The following OSMR variants were observed in gnomAD, a reference collection of about 807,000 sequenced individuals.
OSMR encodes the protein oncostatin-M-specific receptor subunit beta.
In OSMR, 81 loss-of-function variants were observed where a neutral mutation model predicts 99.9. The ratio of observed to expected loss-of-function variants is 0.81; its 90% CI spans 0.68 to 0.97. The LOEUF (loss-of-function observed/expected upper bound fraction) is 0.97. OSMR is among the 50% of genes least tolerant of loss of function. OSMR has a pLI of 0.00. For synonymous variants in OSMR, 406 were observed against 410.4 expected, an observed-to-expected ratio of 0.99 and a Z score of 0.13; for missense variants, 1,099 against 1,153.4, an observed-to-expected ratio of 0.95 and a Z score of 0.68.
intron 15 of OSMR, among the ~76,000 whole-genome samples, chr5:38,928,271 G>A (rs1483017493): frequency 6.6e-6 from 1 of 151,896 alleles, no homozygotes; most frequent in Non-Finnish European, 1.5e-5. Flanking sequence ...TTCCAAAGTC[G>A]CTTCCACATT....
intron 5 of OSMR, 143 bp from the exon 6 acceptor site, chr5:38,885,206 C>T (rs1743617640): frequency 6.7e-7 from 1 of 1,500,934 alleles, no homozygotes; most frequent in Non-Finnish European, 8.9e-7. Context: ...CTTTTGGAGG[C>T]TGTTGATAGG....
chr5:38,881,172 A>T (rs115114547), intron 3 of OSMR, among the ~76,000 whole-genome samples: 4,775 of 152,016 alleles, frequency 0.031, 99 homozygotes, highest in Non-Finnish European at 0.05. Context: ...CTAAAGATGA[A>T]TATTTTTTAA....
intron 3 of OSMR, among the ~76,000 whole-genome samples, chr5:38,879,707 T>A (rs1743121269): frequency 7.0e-6 from 1 of 143,452 alleles, no homozygotes; most frequent in Non-Finnish European, 1.5e-5. Context: ...CACTGCAACC[T>A]CCGTCTTCCG....
intron 1 of OSMR, among the ~76,000 whole-genome samples, chr5:38,863,375 A>G (rs1741667758): frequency 6.6e-6 from 1 of 151,926 alleles, no homozygotes; most frequent in South Asian, 2.1e-4. Context: ...CCATCTCTAC[A>G]AAAATACAAA....
intron 5 of OSMR, 131 bp from the exon 6 acceptor site, chr5:38,885,218 A>C (rs1743618352): frequency 6.6e-7 from 1 of 1,521,126 alleles, no homozygotes; most frequent in Non-Finnish European, 8.8e-7. Context: ...GTTGATAGGT[A>C]GCCTTCCACC....
At chr5:38,919,085 T>C (rs1442145861) in intron 11 of OSMR, 23 bp downstream of exon 11, 1 of 1,612,824 alleles carries the variant, frequency 6.2e-7, no homozygotes, top group Non-Finnish European at 8.5e-7. Context: ...TCATTTTCTT[T>C]TGTTTTTATT....
intron 1 of OSMR, chr5:38,942,271 T>TA (rs1561431259): frequency 7.9e-7 from 1 of 1,260,956 alleles, no homozygotes; most frequent in Non-Finnish European, 1.1e-6. Flanking sequence ...TGAATATATA[T>TA]AGTATGTATC....
At chr5:38,925,036 G>T in intron 14 of OSMR, 168 bp from the exon 15 acceptor site, 1 of 978,366 alleles carries the variant, frequency 1.0e-6, no homozygotes, top group South Asian at 4.7e-5. Context: ...CATTTTACCT[G>T]GTGTGCCCAT....
intron 9 of OSMR, 135 bp from the exon 10 acceptor site, chr5:38,917,411 A>G: frequency 6.8e-7 from 1 of 1,473,900 alleles, no homozygotes; most frequent in Non-Finnish European, 9.1e-7. Context: ...TAGAAGTCAT[A>G]GAGAGTGAAA....
intron 2 of OSMR, among the ~76,000 whole-genome samples, chr5:38,875,851 T>C (rs1742779398): frequency 6.6e-6 from 1 of 152,232 alleles, no homozygotes; most frequent in South Asian, 2.1e-4. Context: ...TTCAGAAATG[T>C]AACATTTCCA....
intron 9 of OSMR, among the ~76,000 whole-genome samples, chr5:38,909,148 T>C (rs1048514037): frequency 1.3e-5 from 2 of 152,144 alleles, no homozygotes; most frequent in Non-Finnish European, 2.9e-5. Context: ...GGAAAGAGTC[T>C]CAGCTCAAAG....
At chr5:38,852,933 G>A (rs188384755) in intron 1 of OSMR, among the ~76,000 whole-genome samples, 32 of 151,292 alleles carry the variant, frequency 2.1e-4, no homozygotes, top group East Asian at 5.9e-4. Context: ...GGGTTTCACC[G>A]TGTTAGCCAG....
intron 5 of OSMR, among the ~76,000 whole-genome samples, chr5:38,884,644 C>CA (rs1457433215): frequency 3.9e-5 from 6 of 152,216 alleles, no homozygotes; most frequent in African/African-American, 1.4e-4. Flanking sequence ...GTAATAGCTG[C>CA]ATGCAGTAGG....
At chr5:38,921,571 C>T in intron 11 of OSMR, 44 bp from the exon 12 acceptor site, 4 of 1,612,908 alleles carry the variant, frequency 2.5e-6, no homozygotes, top group South Asian at 1.1e-5. Flanking sequence ...AAACAATTTA[C>T]AGTTAATTAA....
At chr5:38,923,297 C>A in intron 13 of OSMR, 43 bp downstream of exon 13, 1 of 1,190,380 alleles carries the variant, frequency 8.4e-7, no homozygotes, top group Non-Finnish European at 1.3e-6. Context: ...CAGACTTGTT[C>A]AGAACAATTC....
intron 8 of OSMR, 125 bp from the exon 9 acceptor site, chr5:38,904,228 A>G (rs905301563): frequency 6.5e-7 from 1 of 1,538,808 alleles, no homozygotes; most frequent in Middle Eastern, 2.2e-4. Flanking sequence ...CCCAAAGAAG[A>G]ACTGATCTTA....
At chr5:38,878,423 C>T (rs1212174297) in intron 3 of OSMR, among the ~76,000 whole-genome samples, 1 of 152,140 alleles carries the variant, frequency 6.6e-6, no homozygotes, top group Non-Finnish European at 1.5e-5. Flanking sequence ...AGAGCACTTG[C>T]AGCTGGACCA....
intron 3 of OSMR, 85 bp downstream of exon 3, chr5:38,876,458 C>T: frequency 1.7e-6 from 2 of 1,193,146 alleles, no homozygotes; most frequent in Non-Finnish European, 2.4e-6. Context: ...CTGAAAAATT[C>T]TCGTTTTGGA....
chr5:38,898,264 A>G (rs1466161096), intron 7 of OSMR, among the ~76,000 whole-genome samples: 1 of 152,038 alleles, frequency 6.6e-6, no homozygotes, highest in East Asian at 1.9e-4. Context: ...ATTTCTCTGT[A>G]TATCTGGCTG....
Sources: allele counts gnomAD v4.1 joint callset (sites outside exome capture counted in the v4.1 genomes callset), GRCh38; gene constraint gnomAD v4.1.1; transcripts MANE v1.5; gene names NCBI Gene and HGNC (gene_info 2026-07-23, HGNC 2026-07-21).